Variants in SESTD1 observed in about 807,000 individuals in gnomAD.
SESTD1 encodes SEC14 domain and spectrin repeat-containing protein 1.
Under a neutral mutation model 101.7 loss-of-function variants are expected in SESTD1, and 43 were observed. The observed-to-expected ratio is 0.42, with a 90% CI of 0.33 to 0.55. The LOEUF (loss-of-function observed/expected upper bound fraction) is 0.55, where lower values mean the gene tolerates loss of function less well. Among genes scored for constraint, SESTD1 ranks in the 20% least tolerant of loss-of-function variants. The pLI is 0.07. For missense variants in SESTD1, 647 were observed against 815.1 expected (o/e 0.79, Z 2.51); for synonymous variants, 283 against 286.8 (o/e 0.99, Z 0.13).
At chr2:179,212,628 G>A (rs2046665703) in intron 1 of SESTD1, among the ~76,000 whole-genome samples, 1 of 135,938 alleles carries the variant, frequency 7.4e-6, no homozygotes, top group African/African-American at 2.9e-5. Context: ...CAGCTCTGAA[G>A]AGAACAGTTG....
chr2:179,168,792 T>C (rs1463116444), intron 5 of SESTD1, among the ~76,000 whole-genome samples: 3 of 152,166 alleles, frequency 2.0e-5, no homozygotes, highest in Admixed American at 6.5e-5. Context: ...AGATTATCTG[T>C]AGCAAAAAAA....
intron 1 of SESTD1, among the ~76,000 whole-genome samples, chr2:179,195,324 T>A (rs1395382006): frequency 6.6e-6 from 1 of 152,190 alleles, no homozygotes; most frequent in Non-Finnish European, 1.5e-5. Flanking sequence ...TAAATGGCAG[T>A]TTCCCCTGCC....
Position 179,155,755 on chromosome 2 carries a change from C to G in SESTD1, c.370-4364G>C, listed in dbSNP as rs1383572902. On this transcript the variant is annotated intron_variant, in intron 5 of 17. Transcript: ENST00000428443. ...TGTCCCTTATTTATTTTTAATTTTC[C>G]ATAGGTTACTGGGGTACAGTCAGTG... Among the ~76,000 whole-genome samples, 10 of 152,124 alleles carry G rather than the reference C, an allele frequency of 6.6e-5. No homozygotes were observed. The East Asian group carries it at 1.9e-3, about 29-fold the overall frequency.
chr2:179,249,751 G>T (rs1454675236), intron 1 of SESTD1, among the ~76,000 whole-genome samples: 1 of 151,992 alleles, frequency 6.6e-6, no homozygotes, highest in Non-Finnish European at 1.5e-5. Context: ...CCCAATAAAT[G>T]AATAAAACAG....
At chr2:179,143,913 T>G in intron 8 of SESTD1, 110 bp from the exon 9 acceptor site, 1 of 1,070,120 alleles carries the variant, frequency 9.3e-7, no homozygotes, top group Non-Finnish European at 1.3e-6. Context: ...TACCTACATA[T>G]CTACCAGGTT....
chr2:179,223,794 G>A (rs2046846091), intron 1 of SESTD1, among the ~76,000 whole-genome samples: 1 of 152,126 alleles, frequency 6.6e-6, no homozygotes, highest in South Asian at 2.1e-4. Flanking sequence ...TAACATTTAT[G>A]TTCATAGATT....
intron 1 of SESTD1, among the ~76,000 whole-genome samples, chr2:179,243,673 C>T (rs1040344389): frequency 2.6e-5 from 4 of 151,422 alleles, no homozygotes; most frequent in Non-Finnish European, 5.9e-5. Context: ...AACCAAATAC[C>T]GCATGTTCTC....
At position 179,255,066 on chromosome 2, in the gene SESTD1, T is replaced by C. The variant is rs545145932; in HGVS notation, c.-26+9433A>G. Among the ~76,000 whole-genome samples, 12 of 152,208 alleles carry C rather than the reference T, an allele frequency of 7.9e-5. 1 individual carries two copies. In the South Asian group the frequency reaches 2.5e-3, roughly 32 times the overall value. On this transcript the variant is annotated intron_variant, in intron 1 of 17. Coordinates refer to ENST00000428443, the MANE Select transcript of SESTD1 (RefSeq NM_178123.5). Reference sequence around the variant, plus strand: ...TAAGATGGCGAACTTAATCAATACATATTGTGTGTATTCTGACTGCTCCGC... The same window carrying C: ...TAAGATGGCGAACTTAATCAATACACATTGTGTGTATTCTGACTGCTCCGC...
chr2:179,123,603 C>A (rs996969893), intron 12 of SESTD1, 112 bp downstream of exon 12: 29 of 669,120 alleles, frequency 4.3e-5, no homozygotes, highest in Non-Finnish European at 6.7e-5. Flanking sequence ...TTTTCTGTTT[C>A]CTGAAAATAA....
chr2:179,117,546 C>CT lies in SESTD1; in HGVS notation c.1509dup (p.Glu504ArgfsTer12). 6.3e-7 allele frequency: 1 copy of CT among 1,577,584 alleles called. No homozygotes were observed. Among genetic ancestry groups the CT allele is most frequent in the Non-Finnish European group, 8.6e-7 (1 of 1,167,208 alleles). ...CTGCTCCTTACCTGGGCAGCATCTT[C>CT]TTCACATTTAAACAACTGCACCATC... On this transcript the variant is annotated frameshift_variant, in exon 14 of 18. Transcript: ENST00000428443. LOFTEE classifies it high-confidence loss of function.
At chr2:179,180,238 G>A (rs954174002) in intron 3 of SESTD1, among the ~76,000 whole-genome samples, 33 of 152,202 alleles carry the variant, frequency 2.2e-4, no homozygotes, top group South Asian at 4.1e-4. Flanking sequence ...TTAAAAATAA[G>A]CACAAAGTAT....
At chr2:179,123,925 A>G (rs935892438) in intron 11 of SESTD1, 96 bp from the exon 12 acceptor site, 28 of 855,946 alleles carry the variant, frequency 3.3e-5, no homozygotes, top group Non-Finnish European at 5.3e-5. Context: ...GGTTATCACA[A>G]TTACACTTGA....
At chr2:179,147,945 G>A (rs2045431393) in intron 7 of SESTD1, among the ~76,000 whole-genome samples, 1 of 152,080 alleles carries the variant, frequency 6.6e-6, no homozygotes, top group Admixed American at 6.5e-5. Context: ...CTAAACCACA[G>A]CATATATGTG....
intron 3 of SESTD1, among the ~76,000 whole-genome samples, chr2:179,181,545 T>G (rs1271949563): frequency 6.6e-6 from 1 of 152,184 alleles, no homozygotes; most frequent in East Asian, 1.9e-4. Flanking sequence ...GAGATGCAAC[T>G]ACACTGAATT....
intron 17 of SESTD1, among the ~76,000 whole-genome samples, chr2:179,111,965 C>T (rs111958207): frequency 0.056 from 8,549 of 152,118 alleles, 306 homozygotes; most frequent in South Asian, 0.092. Flanking sequence ...GTGATCCGCC[C>T]GCTTTGGCCT....
At chr2:179,129,075 C>A (rs1233507953) in intron 10 of SESTD1, among the ~76,000 whole-genome samples, 2 of 152,100 alleles carry the variant, frequency 1.3e-5, no homozygotes, top group African/African-American at 2.4e-5. Flanking sequence ...AGTGCCAACT[C>A]GGGTTAAAAA....
chr2:179,122,527 A>C (rs1413697962), intron 12 of SESTD1, among the ~76,000 whole-genome samples: 1 of 152,216 alleles, frequency 6.6e-6, no homozygotes, highest in African/African-American at 2.4e-5. Context: ...CAAGAAAACT[A>C]ATATTTTAAA....
chr2:179,122,646 T>C (rs779962359), intron 12 of SESTD1, among the ~76,000 whole-genome samples: 4 of 152,166 alleles, frequency 2.6e-5, no homozygotes, highest in African/African-American at 4.8e-5. Context: ...TCCCAGCACT[T>C]TGGGAGGCTG....
chr2:179,245,703 C>T, intron 1 of SESTD1, among the ~76,000 whole-genome samples: 1 of 151,452 alleles, frequency 6.6e-6, no homozygotes, highest in African/African-American at 2.4e-5. Flanking sequence ...ATAAAATATG[C>T]TCAAATAACC....
Sources: gnomAD v4.1 joint callset for allele counts (sites outside exome capture counted in the v4.1 genomes callset) on GRCh38, gnomAD v4.1.1 for gene constraint, MANE v1.5 for transcripts, NCBI Gene and HGNC (gene_info 2026-07-23, HGNC 2026-07-21) for gene names.